Variants in SLC36A3 observed in about 807,000 individuals in gnomAD.
SLC36A3 encodes the protein solute carrier family 36 member 3.
Under a neutral mutation model 44.3 loss-of-function variants are expected in SLC36A3, and 35 were observed. The observed-to-expected ratio is 0.79, with a 90% CI of 0.60 to 1.05. SLC36A3 has a LOEUF of 1.05. SLC36A3 is among the 50% of genes least tolerant of loss of function. SLC36A3 has a pLI of 0.00. For missense variants in SLC36A3, 540 were observed against 578.7 expected (o/e 0.93, Z 0.69); for synonymous variants, 211 against 227.6 (o/e 0.93, Z 0.66).
chr5:151,292,440 C>T (rs1238744708), intron 4 of SLC36A3, among the ~76,000 whole-genome samples: 1 of 152,126 alleles, frequency 6.6e-6, no homozygotes, highest in African/African-American at 2.4e-5. Context: ...TCTGCTCCAC[C>T]CATATCAATG....
chr5:151,293,363 C>A lies in SLC36A3; in HGVS notation c.404+1G>T. The A allele has an allele frequency of 6.2e-7, 1 of 1,611,050 alleles. No homozygotes were observed. The highest frequency in any genetic ancestry group is 8.5e-7 in the Non-Finnish European group (1 of 1,178,044). On this transcript the variant is annotated splice_donor_variant, in intron 4 of 9. Transcript: ENST00000335230. LOFTEE classifies it high-confidence loss of function. ...ACTACTACAACATCTGTGACTACTA[C>A]CTTCCCCACACTGCATGGGCCCTCA...
chr5:151,284,490 T>C, intron 7 of SLC36A3, 123 bp downstream of exon 7: 2 of 791,352 alleles, frequency 2.5e-6, no homozygotes, highest in Non-Finnish European at 4.0e-6. Flanking sequence ...AGACTTTCCC[T>C]TCACCAGGAG....
At chr5:151,280,549 G>C (rs1754268860) in intron 9 of SLC36A3, among the ~76,000 whole-genome samples, 1 of 152,168 alleles carries the variant, frequency 6.6e-6, no homozygotes, top group Admixed American at 6.5e-5. Flanking sequence ...TACAGGACTT[G>C]TTCATAATTT....
At position 151,303,537 on chromosome 5, in the gene SLC36A3, C is replaced by T. The variant is rs2127276660; in HGVS notation, c.-183G>A. 2 of 562,198 alleles carry T rather than the reference C, an allele frequency of 3.6e-6. No homozygotes were observed. Among genetic ancestry groups the T allele is most frequent in the East Asian group, 3.0e-5 (1 of 33,510 alleles). 34.8% of individuals were successfully genotyped at this position (562,198 alleles called of 1,614,324 possible). On this transcript the variant is annotated 5_prime_UTR_variant, in exon 1 of 10. Transcript: ENST00000335230. The stretch of plus-strand genomic sequence containing the variant: ...AGGGAAGCGGTGGTGGCAGGAGAGG[C>T]TGATGTTGATGATGCCTCACCTGGC...
chr5:151,278,801 T>C (rs1754200452), intron 9 of SLC36A3, among the ~76,000 whole-genome samples: 4 of 152,224 alleles, frequency 2.6e-5, no homozygotes, highest in Admixed American at 2.6e-4. Flanking sequence ...ATCCAATGTT[T>C]AATAAGCCGC....
At chr5:151,296,001 T>G (rs958020822) in intron 3 of SLC36A3, among the ~76,000 whole-genome samples, 179 bp downstream of exon 3, 2 of 152,384 alleles carry the variant, frequency 1.3e-5, no homozygotes, top group South Asian at 4.1e-4. Context: ...GCGTTGGATC[T>G]GTGCCTAGAG....
At chr5:151,292,749 C>T (rs138937608) in intron 4 of SLC36A3, among the ~76,000 whole-genome samples, 3 of 152,118 alleles carry the variant, frequency 2.0e-5, no homozygotes, top group African/African-American at 2.4e-5. Context: ...TTTGGGAGGC[C>T]GAGGCAGGCG....
At chr5:151,300,998 T>C (rs1003606154) in intron 1 of SLC36A3, among the ~76,000 whole-genome samples, 5 of 152,266 alleles carry the variant, frequency 3.3e-5, no homozygotes, top group Middle Eastern at 3.2e-3. Flanking sequence ...TTCTACTGTA[T>C]GTTTGTTTCA....
At chr5:151,299,246 C>CTA (rs1755072109) in intron 1 of SLC36A3, among the ~76,000 whole-genome samples, 5 of 93,500 alleles carry the variant, frequency 5.3e-5, no homozygotes, top group Non-Finnish European at 1.0e-4. Flanking sequence ...CTCTCTCTCT[C>CTA]TCTCTCTCTC....
intron 9 of SLC36A3, among the ~76,000 whole-genome samples, chr5:151,278,678 C>G (rs1754194268): frequency 6.6e-6 from 1 of 152,180 alleles, no homozygotes; most frequent in Non-Finnish European, 1.5e-5. Flanking sequence ...AAAATCACCT[C>G]TTTCTGAAAT....
At chr5:151,299,297 G>C (rs1292712365) in intron 1 of SLC36A3, among the ~76,000 whole-genome samples, 1 of 114,118 alleles carries the variant, frequency 8.8e-6, no homozygotes, top group African/African-American at 3.2e-5. Context: ...TATATGAAAT[G>C]AGCTGCATGT....
chr5:151,285,687 A>T (rs1754509454), intron 6 of SLC36A3, among the ~76,000 whole-genome samples: 1 of 147,960 alleles, frequency 6.8e-6, no homozygotes, highest in African/African-American at 2.4e-5. Flanking sequence ...AGCTGACCCT[A>T]AAACAAGGAG....
intron 6 of SLC36A3, among the ~76,000 whole-genome samples, chr5:151,285,757 G>A (rs1008216928): frequency 6.6e-6 from 1 of 152,242 alleles, no homozygotes; most frequent in Admixed American, 6.5e-5. Context: ...GGAGTCAGAA[G>A]GGGAAGATCA....
At chr5:151,299,763 T>G (rs138285133) in intron 1 of SLC36A3, among the ~76,000 whole-genome samples, 2 of 152,332 alleles carry the variant, frequency 1.3e-5, no homozygotes, top group African/African-American at 4.8e-5. Context: ...TTGATCCTGT[T>G]TCACTGCCAA....
intron 1 of SLC36A3, 76 bp downstream of exon 1, chr5:151,303,151 G>A (rs1388553461): frequency 9.9e-6 from 15 of 1,519,900 alleles, no homozygotes; most frequent in African/African-American, 1.4e-5. Flanking sequence ...GGAGATAGAT[G>A]AAGGAAGACA....
intron 2 of SLC36A3, 108 bp from the exon 3 acceptor site, chr5:151,296,376 T>C: frequency 2.2e-6 from 2 of 902,172 alleles, no homozygotes; most frequent in Non-Finnish European, 3.5e-6. Context: ...AAACTGTCTT[T>C]GGGGTGACAG....
intron 6 of SLC36A3, among the ~76,000 whole-genome samples, chr5:151,286,361 T>C (rs966133883): frequency 7.9e-5 from 12 of 152,210 alleles, no homozygotes; most frequent in African/African-American, 2.9e-4. Flanking sequence ...GGTGTGATCA[T>C]AGCTTACTGT....
At chr5:151,292,679 G>A (rs564244680) in intron 4 of SLC36A3, among the ~76,000 whole-genome samples, 2 of 152,092 alleles carry the variant, frequency 1.3e-5, no homozygotes, top group East Asian at 1.9e-4. Flanking sequence ...GGAACACTGT[G>A]AGCCTTAAAA....
intron 8 of SLC36A3, among the ~76,000 whole-genome samples, chr5:151,282,272 A>C (rs184707978): frequency 6.6e-5 from 10 of 152,012 alleles, no homozygotes; most frequent in Non-Finnish European, 1.3e-4. Context: ...GGATTCAAGC[A>C]ATTCTCTTGC....
Sources: gnomAD v4.1 joint callset for allele counts (sites outside exome capture counted in the v4.1 genomes callset) on GRCh38, gnomAD v4.1.1 for gene constraint, MANE v1.5 for transcripts, NCBI Gene and HGNC (gene_info 2026-07-23, HGNC 2026-07-21) for gene names.